Variants in ADD2 observed in about 807,000 individuals in gnomAD.
ADD2 encodes beta-adducin.
Under a neutral mutation model 83.0 loss-of-function variants are expected in ADD2, and 23 were observed. The ratio of observed to expected loss-of-function variants is 0.28; its 90% CI spans 0.20 to 0.39. The LOEUF (loss-of-function observed/expected upper bound fraction) is 0.39, where lower values mean the gene tolerates loss of function less well. Ranked by LOEUF, ADD2 falls within the 10% of genes least tolerant of loss-of-function variation. The probability of loss-of-function intolerance (pLI) is 1.00; values close to 1 mark genes in which losing one functional copy is unlikely to be tolerated. For missense variants in ADD2, 758 were observed against 944.9 expected (o/e 0.80, Z 2.59); for synonymous variants, 375 against 375.4 (o/e 1.00, Z 0.01).
At chr2:70,712,819 G>A (rs1045510038) in intron 2 of ADD2, among the ~76,000 whole-genome samples, 1 of 152,214 alleles carries the variant, frequency 6.6e-6, no homozygotes, top group Admixed American at 6.5e-5. Flanking sequence ...GTCAGAGTGA[G>A]CACAGGATGC....
intron 1 of ADD2, among the ~76,000 whole-genome samples, chr2:70,766,159 G>T (rs1221586181): frequency 4.6e-5 from 7 of 152,322 alleles, no homozygotes; most frequent in East Asian, 1.9e-4. Context: ...TAGGCAATTT[G>T]GTGGACAAGA....
In ADD2 at chr2:70,727,040, C is replaced by T. The variant is rs567543227; in HGVS notation, c.-153-13856G>A. Among the ~76,000 whole-genome samples the T allele has an allele frequency of 2.0e-5, 3 of 152,304 alleles. No homozygotes were observed. In the South Asian group the frequency reaches 6.2e-4, roughly 32 times the overall value. On this transcript the variant is annotated intron_variant, in intron 1 of 15. Transcript: ENST00000264436. The stretch of plus-strand genomic sequence containing the variant: ...GCCAAATGGTCACAAAGCTTTTATA[C>T]CATGTTCAGGCTTTGATCGATCAGT...
At chr2:70,696,213 T>G in intron 5 of ADD2, 32 bp downstream of exon 5, 1 of 1,600,576 alleles carries the variant, frequency 6.2e-7, no homozygotes, top group African/African-American at 1.3e-5. Flanking sequence ...CCACATGCAG[T>G]GCCCCACCCA....
At chr2:70,721,370 T>A (rs1196401097) in intron 1 of ADD2, among the ~76,000 whole-genome samples, 5 of 152,208 alleles carry the variant, frequency 3.3e-5, no homozygotes, top group African/African-American at 4.8e-5. Context: ...TCTCCCCCCA[T>A]GACTCTATGT....
At chr2:70,728,043 G>A (rs1223427865) in intron 1 of ADD2, among the ~76,000 whole-genome samples, 1 of 152,176 alleles carries the variant, frequency 6.6e-6, no homozygotes, top group Non-Finnish European at 1.5e-5. Context: ...GAAGCTTTGC[G>A]AGGTTCAAGG....
At chr2:70,665,854 G>A (rs1242028482) in intron 15 of ADD2, among the ~76,000 whole-genome samples, 2 of 146,626 alleles carry the variant, frequency 1.4e-5, no homozygotes, top group Non-Finnish European at 3.0e-5. Context: ...CTGCTCTGTC[G>A]CTTAGAGCTG....
intron 8 of ADD2, among the ~76,000 whole-genome samples, chr2:70,689,299 G>T (rs13398641): frequency 0.29 from 43,757 of 151,832 alleles, 6,597 homozygotes; most frequent in East Asian, 0.43. Context: ...TTTCTTCGTT[G>T]GTTTTACTCT....
In ADD2 at chr2:70,690,679, T is replaced by C. The variant is rs1287713875; in HGVS notation, c.849+107A>G. On this transcript the variant is annotated intron_variant, in intron 8 of 15. Coordinates refer to ENST00000264436, the MANE Select transcript of ADD2 (RefSeq NM_001617.4). ...GTGGGATAGAGATCTTTCTTTTTTT[T>C]CCCCCCTCTCTCCCTCCCTTATTGT... The C allele has an allele frequency of 1.1e-5, 13 of 1,225,294 alleles. No homozygotes were observed. The South Asian group carries it at 1.5e-4, about 15-fold the overall frequency. 75.9% of individuals were successfully genotyped at this position (1,225,294 alleles called of 1,614,324 possible).
Position 70,662,230 on chromosome 2 carries a change from A to G in ADD2, c.*1195T>C, listed in dbSNP as rs1675562876. Reference sequence around the variant, plus strand: ...GAAGACAGTGTTGGCATTTAAAACAATAACTGTGGCCATTACCAGGCCCCA... The same window carrying G: ...GAAGACAGTGTTGGCATTTAAAACAGTAACTGTGGCCATTACCAGGCCCCA... On this transcript the variant is annotated 3_prime_UTR_variant, in exon 16 of 16. Transcript: ENST00000264436. 6.6e-6 allele frequency: 1 copy of G among 152,226 alleles called. No homozygotes were observed. The highest frequency in any genetic ancestry group is 2.4e-5 in the African/African-American group (1 of 41,462). 9.4% of individuals were successfully genotyped at this position (152,226 alleles called of 1,614,324 possible).
At chr2:70,750,097 G>C (rs1674433383) in intron 1 of ADD2, among the ~76,000 whole-genome samples, 1 of 152,172 alleles carries the variant, frequency 6.6e-6, no homozygotes, top group Non-Finnish European at 1.5e-5. Context: ...GAGGGGGGCA[G>C]AGTACAGTGT....
At position 70,672,892 on chromosome 2, in the gene ADD2, G is replaced by A; in HGVS notation, c.1856C>T (p.Ser619Phe). The A allele has an allele frequency of 6.2e-7, 1 of 1,612,688 alleles. No individual in the cohort carries two copies. Among genetic ancestry groups the A allele is most frequent in the Non-Finnish European group, 8.5e-7 (1 of 1,179,556 alleles). ...AETKSPLVSP[S>F]KSLEEGTKKT... ...GCTGGACTCACCCTCTAAAGACTTG[G>A]AAGGAGAGACTAAAGGGCTCTTTGT... The change falls in exon 15 of 16, where the codon TCC (serine) becomes TTC (phenylalanine). Residue 619 changes from serine to phenylalanine, a missense_variant. Physicochemically the swap from Ser to Phe is radical, Grantham distance 155. This residue lies in a region of ADD2 where 165 missense variants were observed against 176.2 expected (regional missense o/e 0.94). Coordinates refer to ENST00000264436, the MANE Select transcript of ADD2 (RefSeq NM_001617.4).
chr2:70,740,320 T>G (rs1553380846), intron 1 of ADD2, among the ~76,000 whole-genome samples: 2 of 152,324 alleles, frequency 1.3e-5, no homozygotes, highest in East Asian at 1.9e-4. Context: ...TACTTTAATA[T>G]GCTTTTCAGT....
chr2:70,747,232 G>A lies in ADD2; in HGVS notation c.-154+20654C>T, dbSNP rs538579387. Reference sequence around the variant, plus strand: ...TCACCGTGTTAGCCAGGATGGTCTCGATCTCCTGACCTCAAGATCCACCTG... The same window carrying A: ...TCACCGTGTTAGCCAGGATGGTCTCAATCTCCTGACCTCAAGATCCACCTG... On this transcript the variant is annotated intron_variant, in intron 1 of 15. Coordinates refer to ENST00000264436, the MANE Select transcript of ADD2 (RefSeq NM_001617.4). 9.9e-5 allele frequency among the ~76,000 whole-genome samples: 15 copies of A among 152,150 alleles called. No individual in the cohort carries two copies. The South Asian group carries it at 2.3e-3, about 23-fold the overall frequency.
chr2:70,746,139 C>T (rs1277562669), intron 1 of ADD2, among the ~76,000 whole-genome samples: 1 of 152,150 alleles, frequency 6.6e-6, no homozygotes, highest in Admixed American at 6.5e-5. Flanking sequence ...AAGAAGGAAT[C>T]GAACCAAGCA....
At chr2:70,694,437 A>G (rs1248179543) in intron 6 of ADD2, among the ~76,000 whole-genome samples, 1 of 152,156 alleles carries the variant, frequency 6.6e-6, no homozygotes, top group African/African-American at 2.4e-5. Context: ...TGTCCAGCAG[A>G]ATAAAGCCAA....
In ADD2 at chr2:70,754,861, C is replaced by T. The variant is rs1674691236; in HGVS notation, c.-154+13025G>A. ...GGCACCCCACCTCCTAGCAATTCTC[C>T]AACATCTCTGATACCTGCTAATCAC... On this transcript the variant is annotated intron_variant, in intron 1 of 15. Coordinates refer to ENST00000264436, the MANE Select transcript of ADD2 (RefSeq NM_001617.4). Among the ~76,000 whole-genome samples the T allele has an allele frequency of 3.3e-5, 5 of 152,300 alleles. No individual in the cohort carries two copies. The South Asian group carries it at 1.0e-3, about 32-fold the overall frequency.
At chr2:70,675,935 G>C (rs1670115002) in intron 13 of ADD2, 1 of 985,300 alleles carries the variant, frequency 1.0e-6, no homozygotes, top group Non-Finnish European at 1.2e-6. Flanking sequence ...TGACCCTGCG[G>C]GATATTCAGT....
intron 15 of ADD2, among the ~76,000 whole-genome samples, chr2:70,665,068 G>T (rs1353174081): frequency 6.6e-6 from 1 of 152,164 alleles, no homozygotes; most frequent in Non-Finnish European, 1.5e-5. Context: ...ATCACAAGAA[G>T]GAACCCGGCA....
chr2:70,731,321 C>A (rs1265025454), intron 1 of ADD2, among the ~76,000 whole-genome samples: 5 of 152,176 alleles, frequency 3.3e-5, no homozygotes, highest in Admixed American at 3.3e-4. Flanking sequence ...ACTACTGTCT[C>A]AGGATTGCTT....
Sources: gnomAD v4.1 joint callset for allele counts (sites outside exome capture counted in the v4.1 genomes callset) on GRCh38, gnomAD v4.1.1 for gene constraint, gnomAD v4.1.1 regional missense constraint, MANE v1.5 for transcripts, NCBI Gene and HGNC (gene_info 2026-07-23, HGNC 2026-07-21) for gene names.